The following SCFD2 variants were observed in gnomAD, a reference collection of about 807,000 sequenced individuals.
SCFD2 encodes the protein sec1 family domain containing 2.
A neutral mutation model predicts 58.9 loss-of-function variants in SCFD2; 54 were observed. The observed-to-expected ratio is 0.92, with a 90% CI of 0.74 to 1.15. SCFD2 has a LOEUF of 1.15. SCFD2 is among the 50% of genes most tolerant of loss of function. The pLI, the probability that SCFD2 is intolerant of heterozygous loss-of-function variation, is 0.00. For missense variants in SCFD2, 805 were observed against 836.6 expected (o/e 0.96, Z 0.47); for synonymous variants, 321 against 335.9 (o/e 0.96, Z 0.49).
chr4:52,942,485 G>A (rs1220916322), intron 5 of SCFD2, among the ~76,000 whole-genome samples: 2 of 152,088 alleles, frequency 1.3e-5, no homozygotes, highest in East Asian at 3.9e-4. Flanking sequence ...AGGGAGCCAG[G>A]GAGACTGTTA....
intron 5 of SCFD2, among the ~76,000 whole-genome samples, chr4:52,963,918 A>C (rs1473306536): frequency 6.6e-6 from 1 of 152,226 alleles, no homozygotes; most frequent in East Asian, 1.9e-4. Context: ...AGTTAATCAA[A>C]TACCTGAAAA....
intron 5 of SCFD2, among the ~76,000 whole-genome samples, chr4:53,118,664 G>A (rs1192144678): frequency 1.3e-5 from 2 of 151,948 alleles, no homozygotes; most frequent in African/African-American, 2.4e-5. Context: ...CCAGAGGGCG[G>A]GACACAAATG....
intron 5 of SCFD2, among the ~76,000 whole-genome samples, chr4:53,046,696 C>G (rs562817230): frequency 5.3e-5 from 8 of 152,238 alleles, no homozygotes; most frequent in African/African-American, 1.9e-4. Flanking sequence ...GAGACAGAGC[C>G]TTGCTCTGTC....
chr4:52,973,258 T>C (rs1445547519), intron 5 of SCFD2, among the ~76,000 whole-genome samples: 1 of 151,790 alleles, frequency 6.6e-6, no homozygotes, highest in Non-Finnish European at 1.5e-5. Flanking sequence ...TCAACAAAAT[T>C]GATAGACCGC....
chr4:53,026,118 A>G (rs1722469477), intron 5 of SCFD2, among the ~76,000 whole-genome samples: 1 of 152,196 alleles, frequency 6.6e-6, no homozygotes, highest in African/African-American at 2.4e-5. Flanking sequence ...GAAAAAACTA[A>G]AATTCTTTTT....
chr4:53,254,147 G>A (rs530612419), intron 4 of SCFD2, among the ~76,000 whole-genome samples: 2 of 152,264 alleles, frequency 1.3e-5, no homozygotes, highest in African/African-American at 4.8e-5. Context: ...TGAGTACCAG[G>A]CTGAATGAAT....
intron 7 of SCFD2, among the ~76,000 whole-genome samples, chr4:52,890,537 C>T (rs1336825082): frequency 6.6e-6 from 1 of 152,196 alleles, no homozygotes; most frequent in Non-Finnish European, 1.5e-5. Context: ...ATCAGCCATA[C>T]ATGACTGAGT....
At chr4:52,993,978 C>T (rs1721683731) in intron 5 of SCFD2, among the ~76,000 whole-genome samples, 2 of 152,344 alleles carry the variant, frequency 1.3e-5, no homozygotes, top group South Asian at 4.1e-4. Flanking sequence ...TTGCTTGGGC[C>T]CCAGCCCTCC....
At chr4:53,318,432 T>C (rs1169190610) in intron 2 of SCFD2, among the ~76,000 whole-genome samples, 9 of 152,106 alleles carry the variant, frequency 5.9e-5, no homozygotes, top group Admixed American at 5.9e-4. Flanking sequence ...ACATTAGAGG[T>C]TTGCTAATAT....
At chr4:53,285,180 A>G (rs542080654) in intron 3 of SCFD2, among the ~76,000 whole-genome samples, 41 of 152,356 alleles carry the variant, frequency 2.7e-4, no homozygotes, top group Non-Finnish European at 4.9e-4. Flanking sequence ...ACATAAAACC[A>G]TCAGAAACAT....
intron 5 of SCFD2, among the ~76,000 whole-genome samples, chr4:52,988,465 C>T (rs1396311832): frequency 6.6e-6 from 1 of 152,176 alleles, no homozygotes; most frequent in East Asian, 1.9e-4. Context: ...GTCTCTGTGT[C>T]CTTGGGCTCC....
intron 4 of SCFD2, among the ~76,000 whole-genome samples, chr4:53,221,281 A>G (rs536275236): frequency 6.6e-6 from 1 of 152,164 alleles, no homozygotes; most frequent in Non-Finnish European, 1.5e-5. Flanking sequence ...GAATAATAAT[A>G]ATTTCTCATT....
chr4:53,128,160 A>T (rs1464177278), intron 5 of SCFD2, among the ~76,000 whole-genome samples: 1 of 152,016 alleles, frequency 6.6e-6, no homozygotes, highest in African/African-American at 2.4e-5. Flanking sequence ...AAATTGGCTC[A>T]AGAAAAAACG....
At chr4:52,948,954 AT>A (rs1353051310) in intron 5 of SCFD2, 1 of 155,284 alleles carries the variant, frequency 6.4e-6, no homozygotes, top group Non-Finnish European at 1.4e-5. Context: ...CTCCTGCATC[AT>A]CATAGGGAGT....
intron 8 of SCFD2, among the ~76,000 whole-genome samples, chr4:52,877,630 G>A (rs1718509523): frequency 6.6e-6 from 1 of 152,200 alleles, no homozygotes; most frequent in Admixed American, 6.5e-5. Context: ...AGGCTCTAGA[G>A]GGGCTTAGAA....
At chr4:52,933,401 A>G (rs1356881024) in intron 5 of SCFD2, among the ~76,000 whole-genome samples, 1 of 152,234 alleles carries the variant, frequency 6.6e-6, no homozygotes, top group African/African-American at 2.4e-5. Flanking sequence ...AGGGAGATTT[A>G]AACTCTTAAC....
chr4:53,248,415 C>T (rs1374196533), intron 4 of SCFD2, among the ~76,000 whole-genome samples: 1 of 152,184 alleles, frequency 6.6e-6, no homozygotes, highest in Non-Finnish European at 1.5e-5. Flanking sequence ...CTGGGTGGAG[C>T]CCACCACAGC....
At chr4:53,223,704 C>T (rs576512991) in intron 4 of SCFD2, among the ~76,000 whole-genome samples, 4 of 152,240 alleles carry the variant, frequency 2.6e-5, no homozygotes, top group East Asian at 1.9e-4. Context: ...AATGAGCCAC[C>T]GCAAATAAGT....
intron 4 of SCFD2, among the ~76,000 whole-genome samples, chr4:53,230,662 C>A (rs1281978175): frequency 6.6e-6 from 1 of 151,530 alleles, no homozygotes; most frequent in Non-Finnish European, 1.5e-5. Context: ...AGGAGCTATA[C>A]CTAATGCTAA....
Sources: allele counts gnomAD v4.1 joint callset (sites outside exome capture counted in the v4.1 genomes callset), GRCh38; gene constraint gnomAD v4.1.1; transcripts MANE v1.5; gene names NCBI Gene and HGNC (gene_info 2026-07-23, HGNC 2026-07-21).